The following MAPK10 variants were observed in gnomAD, a reference collection of about 807,000 sequenced individuals.
The protein encoded by MAPK10 is mitogen-activated protein kinase 10, also known as JNK3 alpha protein kinase.
In MAPK10, 25 loss-of-function variants were observed where a neutral mutation model predicts 59.3. The observed-to-expected ratio is 0.42, with a 90% CI of 0.31 to 0.59. The LOEUF is 0.59. Among genes scored for constraint, MAPK10 ranks in the 20% least tolerant of loss-of-function variants. The pLI, the probability that MAPK10 is intolerant of heterozygous loss-of-function variation, is 0.15. For missense variants in MAPK10, 351 were observed against 568.9 expected (o/e 0.62, Z 3.90); for synonymous variants, 190 against 200.5 (o/e 0.95, Z 0.44).
intron 1 of MAPK10, among the ~76,000 whole-genome samples, chr4:86,565,675 C>T (rs1761008900): frequency 6.6e-6 from 1 of 152,208 alleles, no homozygotes; most frequent in African/African-American, 2.4e-5. Flanking sequence ...GTATTCAATG[C>T]TTCAGCCCAG....
At chr4:86,585,578 C>T (rs902123791) in intron 1 of MAPK10, among the ~76,000 whole-genome samples, 52 of 152,206 alleles carry the variant, frequency 3.4e-4, no homozygotes, top group African/African-American at 1.1e-3. Flanking sequence ...AAATATAATG[C>T]TTACATCATA....
chr4:86,576,774 CAA>C (rs5860029), intron 1 of MAPK10, among the ~76,000 whole-genome samples: 47 of 142,448 alleles, frequency 3.3e-4, no homozygotes, highest in Admixed American at 1.2e-3. Flanking sequence ...GACTCCGTCC[CAA>C]AAAAAAAAAA....
chr4:86,166,329 G>C lies in MAPK10; in HGVS notation c.67-6862C>G, dbSNP rs113810617. ...AATATTAGCCCTTGTTTCTTTAGTT[G>C]TAGAATGAGGGCAATAATCTACTTT... is the stretch of plus-strand genomic sequence containing the variant. On this transcript the variant is annotated intron_variant, in intron 3 of 13. Coordinates refer to ENST00000641462, the MANE Select transcript of MAPK10 (RefSeq NM_138982.4). Among the ~76,000 whole-genome samples, 35 of 152,248 alleles carry C rather than the reference G, an allele frequency of 2.3e-4. No individual in the cohort carries two copies. The Middle Eastern group carries it at 0.01, about 44-fold the overall frequency.
chr4:86,245,264 A>G (rs764265963), intron 2 of MAPK10, among the ~76,000 whole-genome samples: 1 of 151,690 alleles, frequency 6.6e-6, no homozygotes, highest in Non-Finnish European at 1.5e-5. Context: ...AACTGTATAC[A>G]TGGTTCTATA....
chr4:86,413,589 G>T (rs969505723), intron 1 of MAPK10, among the ~76,000 whole-genome samples: 8 of 152,192 alleles, frequency 5.3e-5, no homozygotes, highest in Non-Finnish European at 1.5e-5. Flanking sequence ...CGGCTGCTTT[G>T]TTTACACTGT....
chr4:86,498,803 TAAC>T (rs1470183385), intron 1 of MAPK10, among the ~76,000 whole-genome samples: 1 of 152,178 alleles, frequency 6.6e-6, no homozygotes, highest in East Asian at 1.9e-4. Context: ...TAGCTAACCT[TAAC>T]AGCCCTTTTC....
At chr4:86,194,663 TA>T (rs1359096830) in intron 2 of MAPK10, among the ~76,000 whole-genome samples, 6 of 152,028 alleles carry the variant, frequency 3.9e-5, no homozygotes, top group African/African-American at 1.2e-4. Context: ...TGGACATACC[TA>T]ATAATTTAAA....
intron 3 of MAPK10, among the ~76,000 whole-genome samples, chr4:86,180,502 AAG>A (rs774027146): frequency 0.044 from 5,459 of 123,646 alleles, 136 homozygotes; most frequent in African/African-American, 0.074. Flanking sequence ...AAAAAAAAAA[AAG>A]AAGAAGAAAA....
intron 13 of MAPK10, among the ~76,000 whole-genome samples, chr4:86,018,174 G>A (rs1289073725): frequency 1.3e-5 from 2 of 152,168 alleles, no homozygotes; most frequent in African/African-American, 2.4e-5. Context: ...ACAAACATAT[G>A]CAAGGGTCCT....
At chr4:86,335,724 C>G (rs1720876472) in intron 2 of MAPK10, among the ~76,000 whole-genome samples, 1 of 152,108 alleles carries the variant, frequency 6.6e-6, no homozygotes. Context: ...AGGAAACTTA[C>G]AATCATGGCA....
In MAPK10 at chr4:86,466,004, C is replaced by T. The variant is rs191834038; in HGVS notation, c.-262-111360G>A. On this transcript the variant is annotated intron_variant, in intron 1 of 4. Coordinates refer to the MAPK10 transcript ENST00000502302. The stretch of plus-strand genomic sequence containing the variant: ...GCCATGAGTATTCCTTCAACAAGGG[C>T]TGACACAGAGAATAATTATACTTAT... 1.2e-4 allele frequency among the ~76,000 whole-genome samples: 19 copies of T among 152,320 alleles called. No homozygotes were observed. The East Asian group carries it at 3.7e-3, about 29-fold the overall frequency.
Position 86,017,174 on chromosome 4 carries a change from T to G in MAPK10, c.*54A>C. ...GTGTGTGTGTGTCTGCGTGTGTGTG[T>G]GTTCCATCACATCATCTCCTGAAGA... is the stretch of plus-strand genomic sequence containing the variant. On this transcript the variant is annotated 3_prime_UTR_variant, in exon 14 of 14. Coordinates refer to ENST00000641462, the MANE Select transcript of MAPK10 (RefSeq NM_138982.4). The surrounding 1 kb of genome is among the most constrained non-coding windows in gnomAD (Gnocchi z 4.4). 3 of 1,587,024 alleles carry G rather than the reference T, an allele frequency of 1.9e-6. No individual in the cohort carries two copies. The highest frequency in any genetic ancestry group is 2.6e-6 in the Non-Finnish European group (3 of 1,162,662).
In MAPK10 at chr4:86,448,594, T is replaced by A. The variant is rs562478190; in HGVS notation, c.-122+4436A>T. 8.5e-5 allele frequency among the ~76,000 whole-genome samples: 13 copies of A among 152,288 alleles called. No homozygotes were observed. The South Asian group carries it at 2.7e-3, about 32-fold the overall frequency. ...AACTTTATTCCTAGGTATTTCATGTTTTATTACTATTATAAAAGGGCATTT... is the reference window on the plus strand; with the variant it reads ...AACTTTATTCCTAGGTATTTCATGTATTATTACTATTATAAAAGGGCATTT... On this transcript the variant is annotated intron_variant, in intron 1 of 13. Transcript: ENST00000361569.
At chr4:86,129,787 G>T (rs1444333765) in intron 4 of MAPK10, among the ~76,000 whole-genome samples, 1 of 152,086 alleles carries the variant, frequency 6.6e-6, no homozygotes, top group African/African-American at 2.4e-5. Context: ...GGTTTTGTGT[G>T]TGCTCAGTTT....
intron 2 of MAPK10, among the ~76,000 whole-genome samples, chr4:86,205,951 T>A (rs59379661): frequency 0.053 from 8,022 of 152,138 alleles, 573 homozygotes; most frequent in African/African-American, 0.16. Context: ...TATTCAATAG[T>A]ACCCTGCAAA....
At chr4:86,446,894 CT>C (rs1750115747) in intron 1 of MAPK10, among the ~76,000 whole-genome samples, 2 of 151,990 alleles carry the variant, frequency 1.3e-5, no homozygotes, top group Admixed American at 6.6e-5. Flanking sequence ...ATGTGTTTGT[CT>C]TTTTTTATTG....
intron 1 of MAPK10, among the ~76,000 whole-genome samples, chr4:86,523,130 C>G (rs551544018): frequency 6.6e-6 from 1 of 152,084 alleles, no homozygotes; most frequent in Non-Finnish European, 1.5e-5. Context: ...ATTATTAATA[C>G]CTTTATTATT....
rs145404384 is a variant in MAPK10 at position 86,295,897 on chromosome 4, C to T, written c.-7+58633G>A. Among the ~76,000 whole-genome samples, 576 of 151,302 alleles carry T rather than the reference C, an allele frequency of 3.8e-3. 5 individuals are homozygous for T. Among genetic ancestry groups the T allele is most frequent in the African/African-American group, 0.012 (514 of 41,364 alleles). On this transcript the variant is annotated intron_variant, in intron 2 of 13. Coordinates refer to ENST00000641462, the MANE Select transcript of MAPK10 (RefSeq NM_138982.4). ...AAGACTCAAAGAACCTAGCAGAGGC[C>T]GGGCACAGTGGCTCATGCCTGTAAT...
At chr4:86,288,264 G>A (rs1291170957) in intron 2 of MAPK10, among the ~76,000 whole-genome samples, 1 of 151,336 alleles carries the variant, frequency 6.6e-6, no homozygotes, top group Admixed American at 6.6e-5. Flanking sequence ...ATGCTGGTGT[G>A]CTGCACCCAT....
Sources: allele counts gnomAD v4.1 joint callset (sites outside exome capture counted in the v4.1 genomes callset), GRCh38; gene constraint gnomAD v4.1.1; non-coding constraint Gnocchi (gnomAD v3.1); transcripts MANE v1.5; gene names NCBI Gene and HGNC (gene_info 2026-07-23, HGNC 2026-07-21).